The following XPNPEP3 variants were observed in gnomAD, a reference collection of about 807,000 sequenced individuals.
XPNPEP3 encodes the protein xaa-Pro aminopeptidase 3.
XPNPEP3 carries 41 observed loss-of-function variants against 60.0 expected under a neutral mutation model. The ratio of observed to expected loss-of-function variants is 0.68; its 90% CI spans 0.53 to 0.89. XPNPEP3 has a LOEUF of 0.89. XPNPEP3 is among the 40% of genes least tolerant of loss of function. The pLI, the probability that XPNPEP3 is intolerant of heterozygous loss-of-function variation, is 0.00. For missense variants in XPNPEP3, 598 were observed against 638.9 expected, an observed-to-expected ratio of 0.94 and a Z score of 0.69; for synonymous variants, 212 against 223.2, an observed-to-expected ratio of 0.95 and a Z score of 0.45.
At chr22:40,878,987 G>A (rs989779337) in intron 2 of XPNPEP3, among the ~76,000 whole-genome samples, 2 of 152,228 alleles carry the variant, frequency 1.3e-5, no homozygotes, top group East Asian at 1.9e-4. Context: ...AGGAAAGGTC[G>A]GATAATTCAT....
intron 4 of XPNPEP3, among the ~76,000 whole-genome samples, chr22:40,890,715 A>C (rs2058085201): frequency 6.6e-6 from 1 of 151,972 alleles, no homozygotes; most frequent in Non-Finnish European, 1.5e-5. Flanking sequence ...AAATATAAAA[A>C]AATTAGCTGG....
intron 7 of XPNPEP3, among the ~76,000 whole-genome samples, chr22:40,915,490 T>G (rs1569031082): frequency 6.6e-6 from 1 of 151,480 alleles, no homozygotes; most frequent in Non-Finnish European, 1.5e-5. Context: ...GGGACGGAAG[T>G]TGCAGTGAGC....
Position 40,926,296 on chromosome 22 carries a change from A to G in XPNPEP3, c.1385A>G (p.Asp462Gly). The G allele has an allele frequency of 6.2e-7, 1 of 1,614,186 alleles. No individual in the cohort carries two copies. Among genetic ancestry groups the G allele is most frequent in the Non-Finnish European group, 8.5e-7 (1 of 1,180,038 alleles). ...ATTTATATTCCAGAGGATGACAAAG[A>G]TGCCCCAGAGAAGTTTCGGGGTCTT... ...PGIYIPEDDK[D>G]APEKFRGLGV... The change falls in exon 10 of 10, where the codon GAT (aspartate) becomes GGT (glycine). Residue 462 changes from aspartate (D) to glycine (G), a missense_variant. By Grantham distance (94) the Asp-to-Gly change is moderately conservative. Coordinates refer to ENST00000357137, the MANE Select transcript of XPNPEP3 (RefSeq NM_022098.4).
intron 8 of XPNPEP3, 49 bp downstream of exon 8, chr22:40,922,562 C>A (rs2058220646): frequency 6.2e-7 from 1 of 1,602,796 alleles, no homozygotes; most frequent in African/African-American, 1.3e-5. Context: ...TAGCATGCTG[C>A]TAGGTTTTTA....
chr22:40,860,717 A>C (rs1006105238), intron 1 of XPNPEP3: 7 of 951,098 alleles, frequency 7.4e-6, no homozygotes, highest in Non-Finnish European at 3.1e-6. Context: ...CAGTGGCGTG[A>C]TCCCATTACA....
chr22:40,905,637 AGTC>A (rs1378920726), intron 4 of XPNPEP3, among the ~76,000 whole-genome samples: 3 of 152,304 alleles, frequency 2.0e-5, no homozygotes, highest in Admixed American at 2.0e-4. Flanking sequence ...TAGATGGGAT[AGTC>A]GGGAAGGGCC....
intron 1 of XPNPEP3, 144 bp downstream of exon 1, chr22:40,857,389 A>C: frequency 1.1e-6 from 1 of 932,942 alleles, no homozygotes; most frequent in Non-Finnish European, 1.7e-6. Context: ...TTTCTTCTAT[A>C]CCGGCTGCTC....
chr22:40,921,280 CT>C (rs1227866280), intron 7 of XPNPEP3, among the ~76,000 whole-genome samples: 5 of 152,072 alleles, frequency 3.3e-5, no homozygotes, highest in Admixed American at 3.3e-4. Context: ...GGAAGGGCCA[CT>C]TCTGCTGGCA....
intron 4 of XPNPEP3, among the ~76,000 whole-genome samples, chr22:40,895,887 T>G (rs1456203262): frequency 6.6e-6 from 1 of 152,160 alleles, no homozygotes; most frequent in Non-Finnish European, 1.5e-5. Flanking sequence ...TAAAAGAGTT[T>G]CTTTTCCACC....
At chr22:40,909,423 A>G (rs1044396153) in intron 6 of XPNPEP3, among the ~76,000 whole-genome samples, 188 bp downstream of exon 6, 3 of 152,196 alleles carry the variant, frequency 2.0e-5, no homozygotes, top group African/African-American at 7.2e-5. Flanking sequence ...GTTAGGAGGA[A>G]TTATTAACAT....
chr22:40,883,568 C>A (rs1308165478), intron 3 of XPNPEP3, among the ~76,000 whole-genome samples: 1 of 152,062 alleles, frequency 6.6e-6, no homozygotes, highest in Non-Finnish European at 1.5e-5. Context: ...CACTTTGTTG[C>A]CTAGGCTGGT....
At position 40,924,471 on chromosome 22, in the gene XPNPEP3, C is replaced by A. The variant is rs1311801687; in HGVS notation, c.1346C>A (p.Thr449Lys). Reference protein sequence around the residue: ...SLPLQPGMVITIEPGIYIPED... With the variant: ...SLPLQPGMVIKIEPGIYIPED... ...CCTCTGCAGCCTGGGATGGTAATCA[C>A]AATTGAGCCCGGTAAGGAGAGGTGT... Residue 449 changes from threonine (T) to lysine (K), a missense_variant, in exon 9 of 10, where the codon ACA (threonine) becomes AAA (lysine). By Grantham distance (78) the Thr-to-Lys change is moderately conservative. Coordinates refer to ENST00000357137, the MANE Select transcript of XPNPEP3 (RefSeq NM_022098.4). The A allele has an allele frequency of 6.2e-7, 1 of 1,614,098 alleles. No homozygotes were observed. Among genetic ancestry groups the A allele is most frequent in the Admixed American group, 1.7e-5 (1 of 59,996 alleles).
chr22:40,880,946 C>T (rs1569019649), intron 2 of XPNPEP3, among the ~76,000 whole-genome samples: 1 of 152,002 alleles, frequency 6.6e-6, no homozygotes. Context: ...AGTAACTGCT[C>T]ATAAACATGG....
At chr22:40,862,425 T>G in intron 1 of XPNPEP3, 2 of 988,358 alleles carry the variant, frequency 2.0e-6, no homozygotes, top group Non-Finnish European at 2.4e-6. Context: ...TTCCCAGCTC[T>G]TCTATGCTTT....
rs750791673 is a variant in XPNPEP3 at position 40,926,293 on chromosome 22, A to G, written c.1382A>G (p.Lys461Arg). Residue 461 changes from lysine to arginine, a missense_variant, in exon 10 of 10, where the codon AAA (lysine) becomes AGA (arginine). Coordinates refer to ENST00000357137, the MANE Select transcript of XPNPEP3 (RefSeq NM_022098.4). ...GGCATTTATATTCCAGAGGATGACA[A>G]AGATGCCCCAGAGAAGTTTCGGGGT... The part of the protein sequence containing the change: ...EPGIYIPEDD[K>R]DAPEKFRGLG... 8 of 1,614,050 alleles carry G rather than the reference A, an allele frequency of 5.0e-6. No individual in the cohort carries two copies. The highest frequency in any genetic ancestry group is 4.5e-5 in the East Asian group (2 of 44,896).
chr22:40,924,926 A>G (rs1439592350), intron 9 of XPNPEP3, among the ~76,000 whole-genome samples: 1 of 152,226 alleles, frequency 6.6e-6, no homozygotes, highest in Admixed American at 6.5e-5. Flanking sequence ...TTGTATTCTT[A>G]TTTAATATCA....
At chr22:40,921,770 GCTGTATTAATTTATACTC>G (rs2058217464) in intron 7 of XPNPEP3, among the ~76,000 whole-genome samples, 1 of 151,956 alleles carries the variant, frequency 6.6e-6, no homozygotes, top group Non-Finnish European at 1.5e-5. Context: ...GATGTAATTG[GCTGTATTAATTTATACTC>G]CTATCAACAG....
At chr22:40,923,213 TAA>T (rs756878151) in intron 8 of XPNPEP3, among the ~76,000 whole-genome samples, 29 of 137,262 alleles carry the variant, frequency 2.1e-4, no homozygotes, top group Admixed American at 3.7e-4. Context: ...GCCCTGTGTC[TAA>T]AAAAAAAAAA....
chr22:40,921,899 C>G (rs908598529), intron 7 of XPNPEP3, among the ~76,000 whole-genome samples: 2 of 151,894 alleles, frequency 1.3e-5, no homozygotes, highest in Admixed American at 6.6e-5. Context: ...TAGTACATTA[C>G]TAGTAGCCCA....
Sources: allele counts gnomAD v4.1 joint callset (sites outside exome capture counted in the v4.1 genomes callset), GRCh38; gene constraint gnomAD v4.1.1; transcripts MANE v1.5; gene names NCBI Gene and HGNC (gene_info 2026-07-23, HGNC 2026-07-21).